The following NOS1AP variants were observed in gnomAD, a reference collection of about 807,000 sequenced individuals.
NOS1AP encodes nitric oxide synthase 1 adaptor protein, also known as carboxyl-terminal PDZ ligand of neuronal nitric oxide synthase protein.
NOS1AP carries 21 observed loss-of-function variants against 56.2 expected under a neutral mutation model. The observed-to-expected ratio is 0.37, with a 90% CI of 0.26 to 0.54. The LOEUF (loss-of-function observed/expected upper bound fraction) is 0.54, where lower values mean the gene tolerates loss of function less well. NOS1AP is among the 20% of genes least tolerant of loss of function. The pLI is 0.84. For missense variants in NOS1AP, 522 were observed against 657.8 expected, an observed-to-expected ratio of 0.79 and a Z score of 2.26; for synonymous variants, 270 against 274.6, an observed-to-expected ratio of 0.98 and a Z score of 0.17.
intron 9 of NOS1AP, 93 bp from the exon 10 acceptor site, chr1:162,366,959 C>T (rs1236878011): frequency 5.4e-6 from 8 of 1,476,706 alleles, no homozygotes; most frequent in Non-Finnish European, 7.6e-6. Context: ...CTGGGAAGGG[C>T]TTTGGCAGGG....
At chr1:162,321,855 A>G (rs537695669) in intron 4 of NOS1AP, among the ~76,000 whole-genome samples, 2 of 151,834 alleles carry the variant, frequency 1.3e-5, no homozygotes, top group South Asian at 2.1e-4. Flanking sequence ...GAGCTAAACA[A>G]TGGATACACA....
chr1:162,338,593 A>G (rs1442439977), intron 5 of NOS1AP: 1 of 152,224 alleles, frequency 6.6e-6, no homozygotes, highest in Non-Finnish European at 1.5e-5. Flanking sequence ...ATTTTATAGG[A>G]CCAACCAACT....
At chr1:162,175,667 G>C (rs1322897466) in intron 2 of NOS1AP, among the ~76,000 whole-genome samples, 1 of 152,092 alleles carries the variant, frequency 6.6e-6, no homozygotes, top group Non-Finnish European at 1.5e-5. Context: ...TTGCATCTAG[G>C]CCCTCTCAGC....
chr1:162,161,137 G>A (rs1450878144), intron 2 of NOS1AP, among the ~76,000 whole-genome samples: 1 of 152,140 alleles, frequency 6.6e-6, no homozygotes, highest in African/African-American at 2.4e-5. Context: ...TATTAGATTG[G>A]TCCCTCCTCA....
intron 2 of NOS1AP, among the ~76,000 whole-genome samples, chr1:162,258,972 T>G (rs1027560379): frequency 5.3e-5 from 8 of 152,174 alleles, no homozygotes; most frequent in African/African-American, 1.9e-4. Flanking sequence ...TGTGTAAACT[T>G]GAGAGCCCTT....
chr1:162,070,301 G>C lies in NOS1AP; in HGVS notation c.105+19G>C. The C allele has an allele frequency of 6.3e-7, 1 of 1,597,598 alleles. No homozygotes were observed. Among genetic ancestry groups the C allele is most frequent in the Non-Finnish European group, 8.6e-7 (1 of 1,165,592 alleles). On this transcript the variant is annotated intron_variant, in intron 1 of 9. Coordinates refer to ENST00000361897, the MANE Select transcript of NOS1AP (RefSeq NM_014697.3). ...GGCCAAGGTGAGGGGGCTCCGGGGA[G>C]GGTGCTACCTGTGGTGGCGGTTGGG...
chr1:162,110,655 GTCA>G (rs1228320605), intron 1 of NOS1AP, among the ~76,000 whole-genome samples: 1 of 152,190 alleles, frequency 6.6e-6, no homozygotes, highest in Non-Finnish European at 1.5e-5. Context: ...GGCTGTTGCT[GTCA>G]TCATCACCAA....
rs771162219 is a variant in NOS1AP at position 162,343,919 on chromosome 1, G to A, written c.538G>A (p.Ala180Thr). ...GAGCCTGCAGCACACGCAGCAGAAT[G>A]CAGATGGCCAGGAAGATGGAGAGAG... ...KLSLQHTQQN[A>T]DGQEDGESER... Residue 180 changes from alanine (A) to threonine (T), a missense_variant, in exon 6 of 10, where the codon GCA becomes ACA. Transcript: ENST00000361897. 1.9e-6 allele frequency: 3 copies of A among 1,614,160 alleles called. No individual in the cohort carries two copies. In the East Asian group the frequency reaches 6.7e-5, roughly 36 times the overall value.
At chr1:162,279,998 G>A (rs1176887620) in intron 2 of NOS1AP, among the ~76,000 whole-genome samples, 1 of 152,106 alleles carries the variant, frequency 6.6e-6, no homozygotes, top group East Asian at 1.9e-4. Context: ...CAAATACAAA[G>A]TTTCCTCTAT....
At chr1:162,362,261 G>A (rs1321239595) in intron 8 of NOS1AP, among the ~76,000 whole-genome samples, 1 of 152,116 alleles carries the variant, frequency 6.6e-6, no homozygotes, top group Non-Finnish European at 1.5e-5. Flanking sequence ...GACCAGCCCG[G>A]CCAACATGGG....
chr1:162,319,345 G>A (rs1656337518), intron 4 of NOS1AP, among the ~76,000 whole-genome samples: 1 of 151,782 alleles, frequency 6.6e-6, no homozygotes, highest in African/African-American at 2.4e-5. Flanking sequence ...TTCTGCTCCT[G>A]CCCTCCTCCA....
intron 1 of NOS1AP, among the ~76,000 whole-genome samples, chr1:162,100,759 C>T (rs1369018890): frequency 2.6e-5 from 4 of 152,048 alleles, no homozygotes; most frequent in African/African-American, 4.8e-5. Context: ...TGTTCATGTC[C>T]TTTGGTCACT....
intron 1 of NOS1AP, among the ~76,000 whole-genome samples, chr1:162,081,774 A>ATATATTTTTTTTT: frequency 3.6e-4 from 16 of 44,056 alleles, no homozygotes; most frequent in African/African-American, 9.9e-4. Flanking sequence ...ATATATATAT[A>ATATATTTTTTTTT]TTTTTTTTTT....
intron 6 of NOS1AP, among the ~76,000 whole-genome samples, chr1:162,349,568 C>T (rs756645043): frequency 2.6e-5 from 4 of 152,204 alleles, no homozygotes; most frequent in African/African-American, 7.2e-5. Flanking sequence ...TCTGGAGCTT[C>T]GTTTTCTCAT....
At chr1:162,212,542 C>G (rs1652385751) in intron 2 of NOS1AP, among the ~76,000 whole-genome samples, 1 of 152,174 alleles carries the variant, frequency 6.6e-6, no homozygotes, top group Admixed American at 6.5e-5. Flanking sequence ...CCCCGCCACC[C>G]CGCTGCCCAC....
At chr1:162,210,333 G>T (rs1009576741) in intron 2 of NOS1AP, among the ~76,000 whole-genome samples, 1 of 152,122 alleles carries the variant, frequency 6.6e-6, no homozygotes, top group African/African-American at 2.4e-5. Context: ...AGCTCTGCTT[G>T]CCTCTCTCAC....
At position 162,370,375 on chromosome 1, in the gene NOS1AP, T is replaced by A. The variant is rs1161574479; in HGVS notation, c.*2908T>A. 1 of 152,216 alleles carries A rather than the reference T, an allele frequency of 6.6e-6. No homozygotes were observed. Among genetic ancestry groups the A allele is most frequent in the East Asian group, 1.9e-4 (1 of 5,198 alleles). 9.4% of individuals were successfully genotyped at this position (152,216 alleles called of 1,614,324 possible). On this transcript the variant is annotated 3_prime_UTR_variant, in exon 10 of 10. Coordinates refer to ENST00000361897, the MANE Select transcript of NOS1AP (RefSeq NM_014697.3). ...CTGTTGTGTCATTAACTCTGTTGGA[T>A]CAACTCTCTGGGAAAAGATTCTGTT... is the stretch of plus-strand genomic sequence containing the variant.
chr1:162,295,265 C>G lies in NOS1AP; in HGVS notation c.271-5368C>G, dbSNP rs116346736. Among the ~76,000 whole-genome samples the G allele has an allele frequency of 2.6e-3, 401 of 152,294 alleles. 1 individual carries two copies. The highest frequency in any genetic ancestry group is 9.2e-3 in the African/African-American group (382 of 41,558). The stretch of plus-strand genomic sequence containing the variant: ...TCCTGGCATATCATGGAGACCACAG[C>G]TGATCCTGAACAGTGAGTAGCAAGA... On this transcript the variant is annotated intron_variant, in intron 3 of 9. Transcript: ENST00000361897.
At chr1:162,099,780 C>T (rs1450412348) in intron 1 of NOS1AP, among the ~76,000 whole-genome samples, 1 of 152,056 alleles carries the variant, frequency 6.6e-6, no homozygotes, top group African/African-American at 2.4e-5. Flanking sequence ...TATCCCTCCC[C>T]ACTCCCCCGA....
Sources: gnomAD v4.1 joint callset for allele counts (sites outside exome capture counted in the v4.1 genomes callset) on GRCh38, gnomAD v4.1.1 for gene constraint, MANE v1.5 for transcripts, NCBI Gene and HGNC (gene_info 2026-07-23, HGNC 2026-07-21) for gene names.